RBM46: variants seen among roughly 807,000 people sequenced by gnomAD.
RBM46 encodes RNA binding motif protein 46, also known as probable RNA-binding protein 46.
RBM46 carries 12 observed loss-of-function variants against 43.3 expected under a neutral mutation model. That is an observed-to-expected ratio of 0.28 (90% confidence interval 0.18 to 0.45). The LOEUF is 0.45. Ranked by LOEUF, RBM46 falls within the 20% of genes least tolerant of loss-of-function variation. RBM46 has a pLI of 1.00. For missense variants in RBM46, 412 were observed against 639.1 expected, an observed-to-expected ratio of 0.64 and a Z score of 3.83; for synonymous variants, 205 against 207.6, an observed-to-expected ratio of 0.99 and a Z score of 0.11.
At position 154,798,061 on chromosome 4, in the gene RBM46, G is replaced by A; in HGVS notation, c.402G>A (p.Val134=). 1 of 1,613,954 alleles carries A rather than the reference G, an allele frequency of 6.2e-7. No individual in the cohort carries two copies. Among genetic ancestry groups the A allele is most frequent in the Middle Eastern group, 1.6e-4 (1 of 6,062 alleles). Reference sequence around the variant, plus strand: ...TTCGACCAGGGAAGTTTATTGGTGTGTGTGTAAGCCTGGATAATTGTAGAT... The same window carrying A: ...TTCGACCAGGGAAGTTTATTGGTGTATGTGTAAGCCTGGATAATTGTAGAT... ...YEIRPGKFIG[V]CVSLDNCRLF... The change falls in exon 3 of 5, where the codon GTG becomes GTA. Residue 134 remains valine, a synonymous_variant. Coordinates refer to ENST00000281722, the MANE Select transcript of RBM46 (RefSeq NM_144979.5).
intron 1 of RBM46, chr4:154,782,021 G>A (rs1733506870): frequency 6.6e-6 from 1 of 152,412 alleles, no homozygotes. Flanking sequence ...TTCTAGCCGG[G>A]ACTGAGCCTC....
intron 4 of RBM46, among the ~76,000 whole-genome samples, chr4:154,822,784 T>C (rs958090114): frequency 2.6e-5 from 4 of 151,666 alleles, no homozygotes; most frequent in Non-Finnish European, 1.5e-5. Flanking sequence ...ACTTCATAGA[T>C]GAAAAAATCA....
At position 154,828,251 on chromosome 4, in the gene RBM46, A is replaced by G; in HGVS notation, c.*184A>G. 3.5e-6 allele frequency: 2 copies of G among 578,176 alleles called. No individual in the cohort carries two copies. The highest frequency in any genetic ancestry group is 6.1e-6 in the Non-Finnish European group (2 of 328,370). 35.8% of individuals were successfully genotyped at this position (578,176 alleles called of 1,614,324 possible). ...GGAGTTGTAGAATTTATAAAAATGC[A>G]AAGTTTAAAAAGTTATTCAGTGGTT... is the stretch of plus-strand genomic sequence containing the variant. On this transcript the variant is annotated 3_prime_UTR_variant, in exon 5 of 5. Coordinates refer to ENST00000281722, the MANE Select transcript of RBM46 (RefSeq NM_144979.5).
At chr4:154,822,643 G>A (rs1269159612) in intron 4 of RBM46, among the ~76,000 whole-genome samples, 1 of 151,456 alleles carries the variant, frequency 6.6e-6, no homozygotes, top group Non-Finnish European at 1.5e-5. Flanking sequence ...GTTAGTTATG[G>A]TTATTGAATG....
chr4:154,809,361 G>T (rs156584), intron 4 of RBM46, among the ~76,000 whole-genome samples: 87,867 of 151,758 alleles, frequency 0.58, 28,197 homozygotes, highest in African/African-American at 0.85. Flanking sequence ...ATTGGAGAAT[G>T]ATTTCATTGC....
intron 4 of RBM46, among the ~76,000 whole-genome samples, chr4:154,821,593 G>A (rs1347439418): frequency 6.6e-6 from 1 of 151,680 alleles, no homozygotes; most frequent in East Asian, 1.9e-4. Flanking sequence ...TTAATGGAAA[G>A]CAACTAGACT....
intron 4 of RBM46, among the ~76,000 whole-genome samples, chr4:154,818,019 T>C (rs1313862066): frequency 6.6e-6 from 1 of 152,148 alleles, no homozygotes; most frequent in African/African-American, 2.4e-5. Context: ...TTGACTTCTT[T>C]CATTTCTTTT....
intron 4 of RBM46, among the ~76,000 whole-genome samples, chr4:154,820,951 A>C (rs1735694141): frequency 1.3e-5 from 2 of 151,834 alleles, no homozygotes. Context: ...GAGGCAAAAG[A>C]ATGATGTTTT....
chr4:154,814,927 A>G (rs1204177926), intron 4 of RBM46, among the ~76,000 whole-genome samples: 1 of 151,824 alleles, frequency 6.6e-6, no homozygotes, highest in Non-Finnish European at 1.5e-5. Flanking sequence ...GTAAATTACC[A>G]TGAGGGACTA....
intron 4 of RBM46, among the ~76,000 whole-genome samples, chr4:154,824,213 CTGGCAG>C (rs1157386705): frequency 2.0e-5 from 3 of 151,794 alleles, no homozygotes; most frequent in Non-Finnish European, 2.9e-5. Context: ...ATTAAAATTG[CTGGCAG>C]TACCAAATGT....
chr4:154,800,359 T>C (rs1734574629), intron 4 of RBM46, among the ~76,000 whole-genome samples: 4 of 152,270 alleles, frequency 2.6e-5, no homozygotes, highest in South Asian at 2.1e-4. Flanking sequence ...TGCTCACCAA[T>C]CTGGAAATTT....
intron 4 of RBM46, among the ~76,000 whole-genome samples, chr4:154,802,351 A>C (rs1431843512): frequency 6.6e-6 from 1 of 152,240 alleles, no homozygotes; most frequent in Non-Finnish European, 1.5e-5. Flanking sequence ...AAGTAGGGCC[A>C]GGAGCTGTAG....
At chr4:154,798,347 A>C in intron 3 of RBM46, 69 bp downstream of exon 3, 1 of 933,138 alleles carries the variant, frequency 1.1e-6, no homozygotes. Flanking sequence ...TACATCAGGG[A>C]TCAATATTAT....
chr4:154,812,317 C>A (rs2111182917), intron 4 of RBM46, among the ~76,000 whole-genome samples: 1 of 152,170 alleles, frequency 6.6e-6, no homozygotes, highest in African/African-American at 2.4e-5. Context: ...TGTACCAGAC[C>A]CCACTCCATT....
At chr4:154,824,940 T>C (rs1735888036) in intron 4 of RBM46, among the ~76,000 whole-genome samples, 1 of 152,154 alleles carries the variant, frequency 6.6e-6, no homozygotes, top group Non-Finnish European at 1.5e-5. Context: ...TTTTATATCT[T>C]GTTTTGAGTA....
intron 1 of RBM46, among the ~76,000 whole-genome samples, chr4:154,792,090 G>A (rs1193781581): frequency 6.6e-6 from 1 of 152,148 alleles, no homozygotes; most frequent in Non-Finnish European, 1.5e-5. Context: ...TCTAAAATTA[G>A]AGTAGTACAA....
intron 4 of RBM46, among the ~76,000 whole-genome samples, chr4:154,801,225 C>T (rs1299333506): frequency 2.0e-5 from 3 of 152,136 alleles, no homozygotes; most frequent in East Asian, 1.9e-4. Flanking sequence ...GCGACCCGCC[C>T]TCCTCAGCCT....
chr4:154,800,534 A>G (rs1734582026), intron 4 of RBM46, among the ~76,000 whole-genome samples: 1 of 152,216 alleles, frequency 6.6e-6, no homozygotes, highest in African/African-American at 2.4e-5. Flanking sequence ...TAAATATTTG[A>G]CGTTGTGAAG....
At chr4:154,820,448 C>A in intron 4 of RBM46, 1 of 1,281,256 alleles carries the variant, frequency 7.8e-7, no homozygotes, top group Non-Finnish European at 1.1e-6. Context: ...GTAAAACTCT[C>A]TTAGGAATAT....
Sources: gnomAD v4.1 joint callset for allele counts (sites outside exome capture counted in the v4.1 genomes callset) on GRCh38, gnomAD v4.1.1 for gene constraint, MANE v1.5 for transcripts, NCBI Gene and HGNC (gene_info 2026-07-23, HGNC 2026-07-21) for gene names.